Variants in OCA2 observed in about 807,000 individuals in gnomAD.
The protein encoded by OCA2 is OCA2 melanosomal transmembrane protein.
In OCA2, 77 loss-of-function variants were observed where a neutral mutation model predicts 100.2. The ratio of observed to expected loss-of-function variants is 0.77; its 90% CI spans 0.64 to 0.93. The LOEUF (loss-of-function observed/expected upper bound fraction) is 0.93. Ranked by LOEUF, OCA2 falls within the 40% of genes least tolerant of loss-of-function variation. The pLI is 0.00. For missense variants in OCA2, 1,062 were observed against 1,089.1 expected (o/e 0.98, Z 0.35); for synonymous variants, 432 against 439.2 (o/e 0.98, Z 0.21).
At position 27,935,276 on chromosome 15, in the gene OCA2, A is replaced by G. The variant is rs1355705033; in HGVS notation, c.1952-9022T>C. ...TCTTTATCCTGTGGAGCTTCTATCAAACGCTTTCCTCGAGTGGGCATTAAT... is the reference window on the plus strand; with the variant it reads ...TCTTTATCCTGTGGAGCTTCTATCAGACGCTTTCCTCGAGTGGGCATTAAT... On this transcript the variant is annotated intron_variant, in intron 18 of 23. Coordinates refer to ENST00000354638, the MANE Select transcript of OCA2 (RefSeq NM_000275.3). Among the ~76,000 whole-genome samples the G allele has an allele frequency of 3.3e-5, 5 of 152,218 alleles. No homozygotes were observed. The East Asian group carries it at 7.7e-4, about 23-fold the overall frequency.
chr15:27,746,809 C>G, the OCA2 span, among the ~76,000 whole-genome samples: 1 of 152,178 alleles, frequency 6.6e-6, no homozygotes, highest in African/African-American at 2.4e-5. Context: ...CTCCCACATC[C>G]CCATCCATTT....
rs1202503615 is a variant in OCA2 at position 27,958,000 on chromosome 15, A to G, written c.1637-265T>C. On this transcript the variant is annotated intron_variant, in intron 15 of 23. Transcript: ENST00000354638. This position sits in a 1 kb window ranked among gnomAD's most constrained non-coding sequence, Gnocchi z 4.3. ...CTCACTCATAGGTGGGAATTGAACAATGAGAACACTTGGACATAGCAAGGG... is the reference window on the plus strand; with the variant it reads ...CTCACTCATAGGTGGGAATTGAACAGTGAGAACACTTGGACATAGCAAGGG... 6.6e-6 allele frequency among the ~76,000 whole-genome samples: 1 copy of G among 152,184 alleles called. No individual in the cohort carries two copies. Among genetic ancestry groups the G allele is most frequent in the Non-Finnish European group, 1.5e-5 (1 of 68,034 alleles).
chr15:27,844,215 C>T (rs2035449551), intron 23 of OCA2, among the ~76,000 whole-genome samples: 1 of 152,212 alleles, frequency 6.6e-6, no homozygotes, highest in African/African-American at 2.4e-5. Context: ...CACCGAGGGC[C>T]TCATCTCTGC....
intron 19 of OCA2, among the ~76,000 whole-genome samples, chr15:27,921,121 C>T (rs1900755): frequency 0.069 from 10,500 of 151,396 alleles, 1,225 homozygotes; most frequent in African/African-American, 0.24. Flanking sequence ...AAAACATACA[C>T]GTAAGTAGGA....
At chr15:28,010,867 G>T (rs2042220484) in intron 9 of OCA2, among the ~76,000 whole-genome samples, 1 of 152,096 alleles carries the variant, frequency 6.6e-6, no homozygotes, top group South Asian at 2.1e-4. Context: ...AATGGCCACA[G>T]AATAGCCAGA....
At chr15:27,827,257 G>A (rs906216682) in intron 23 of OCA2, among the ~76,000 whole-genome samples, 5 of 152,170 alleles carry the variant, frequency 3.3e-5, no homozygotes. Context: ...ACGCGAGAGG[G>A]GCTGACAGCC....
In OCA2 at chr15:27,778,556, C is replaced by T. The variant is rs147357415; in HGVS notation, c.2433-23084G>A. Among the ~76,000 whole-genome samples the T allele has an allele frequency of 6.4e-3, 978 of 151,826 alleles. 6 individuals carry two copies. The highest frequency in any genetic ancestry group is 0.01 in the Admixed American group (156 of 15,252). Reference sequence around the variant, plus strand: ...TGCATATCTGTTTTTAAAGCTATAACGTTCTGCTTATATTGTTTTTAAATT... The same window carrying T: ...TGCATATCTGTTTTTAAAGCTATAATGTTCTGCTTATATTGTTTTTAAATT... On this transcript the variant is annotated intron_variant, in intron 23 of 23. Coordinates refer to ENST00000354638, the MANE Select transcript of OCA2 (RefSeq NM_000275.3).
At chr15:28,067,677 C>G (rs2044067202) in intron 2 of OCA2, among the ~76,000 whole-genome samples, 1 of 151,988 alleles carries the variant, frequency 6.6e-6, no homozygotes, top group African/African-American at 2.4e-5. Context: ...TTTCTATTTT[C>G]ATTGCACTAT....
the OCA2 span, among the ~76,000 whole-genome samples, chr15:27,729,342 T>A: frequency 5.9e-5 from 9 of 151,460 alleles, no homozygotes; most frequent in African/African-American, 2.2e-4. Context: ...CAATTGAGAC[T>A]TTTTGTCATC....
At chr15:27,962,893 C>A (rs1595725760) in intron 15 of OCA2, among the ~76,000 whole-genome samples, 1 of 152,108 alleles carries the variant, frequency 6.6e-6, no homozygotes, top group East Asian at 1.9e-4. Context: ...ATGCTGCTTA[C>A]AAGAACTGTA....
chr15:28,060,647 G>T (rs1482226278), intron 2 of OCA2, among the ~76,000 whole-genome samples: 1 of 152,166 alleles, frequency 6.6e-6, no homozygotes, highest in East Asian at 1.9e-4. Context: ...GTTAACAAAA[G>T]TATAAAACAA....
At chr15:28,017,098 G>A (rs530036029) in intron 7 of OCA2, among the ~76,000 whole-genome samples, 3 of 152,038 alleles carry the variant, frequency 2.0e-5, no homozygotes, top group South Asian at 2.1e-4. Flanking sequence ...GGGAAGATGC[G>A]AATCTCGCCC....
the OCA2 span, among the ~76,000 whole-genome samples, chr15:27,730,980 A>T: frequency 9.3e-3 from 1,390 of 150,260 alleles, 10 homozygotes; most frequent in African/African-American, 0.018. Context: ...TGAGTTAAAA[A>T]TTTTTTTTAT....
At chr15:27,900,278 C>T (rs143649349) in intron 19 of OCA2, among the ~76,000 whole-genome samples, 1 of 152,222 alleles carries the variant, frequency 6.6e-6, no homozygotes, top group East Asian at 1.9e-4. Context: ...TATGAACAAG[C>T]ATGTACAGCT....
chr15:27,812,326 A>G (rs1194827838), intron 23 of OCA2, among the ~76,000 whole-genome samples: 1 of 152,214 alleles, frequency 6.6e-6, no homozygotes, highest in Non-Finnish European at 1.5e-5. Context: ...TTTGAGAGAA[A>G]ATATTTTCTC....
intron 2 of OCA2, among the ~76,000 whole-genome samples, chr15:28,076,566 G>T (rs977227762): frequency 6.6e-6 from 1 of 152,094 alleles, no homozygotes; most frequent in South Asian, 2.1e-4. Flanking sequence ...TAGATAATTT[G>T]GCCGGGCGCG....
At chr15:28,055,826 G>A (rs2043675972) in intron 2 of OCA2, among the ~76,000 whole-genome samples, 1 of 152,192 alleles carries the variant, frequency 6.6e-6, no homozygotes, top group Non-Finnish European at 1.5e-5. Flanking sequence ...GGTGCAGCAG[G>A]ACAGAAGAAG....
intron 1 of OCA2, among the ~76,000 whole-genome samples, chr15:28,098,910 A>T (rs2045033800): frequency 1.3e-5 from 2 of 152,174 alleles, no homozygotes; most frequent in Non-Finnish European, 1.5e-5. Flanking sequence ...GTTCAAGTGG[A>T]ACATTTGCTG....
At chr15:27,803,104 C>T (rs905633212) in intron 23 of OCA2, among the ~76,000 whole-genome samples, 2 of 152,142 alleles carry the variant, frequency 1.3e-5, no homozygotes, top group African/African-American at 4.8e-5. Flanking sequence ...TTGAACAAGA[C>T]ACTTTATCAA....
Sources: allele counts gnomAD v4.1 joint callset (sites outside exome capture counted in the v4.1 genomes callset), GRCh38; gene constraint gnomAD v4.1.1; non-coding constraint Gnocchi (gnomAD v3.1); transcripts MANE v1.5; gene names NCBI Gene and HGNC (gene_info 2026-07-23, HGNC 2026-07-21).